MOCOS: variants seen among roughly 807,000 people sequenced by gnomAD.
MOCOS encodes molybdenum cofactor sulfurase.
A neutral mutation model predicts 83.6 loss-of-function variants in MOCOS; 86 were observed. That is an observed-to-expected ratio of 1.03 (90% CI 0.86 to 1.23). The LOEUF (loss-of-function observed/expected upper bound fraction) is 1.23, where lower values mean the gene tolerates loss of function less well. Ranked by LOEUF, MOCOS falls within the 50% of genes most tolerant of loss-of-function variation. The pLI is 0.00. For missense variants in MOCOS, 1,120 were observed against 1,126.9 expected, an observed-to-expected ratio of 0.99 and a Z score of 0.09; for synonymous variants, 445 against 434.7, an observed-to-expected ratio of 1.02 and a Z score of -0.29.
chr18:36,266,222 G>A (rs141592318), intron 13 of MOCOS, among the ~76,000 whole-genome samples: 6 of 152,152 alleles, frequency 3.9e-5, no homozygotes, highest in Non-Finnish European at 5.9e-5. Context: ...TGCCACCTCC[G>A]CCTCCCGGGT....
intron 6 of MOCOS, among the ~76,000 whole-genome samples, chr18:36,210,997 C>A (rs191584889): frequency 4.4e-4 from 67 of 151,948 alleles, no homozygotes; most frequent in Admixed American, 2.6e-3. Context: ...TCTCATTCCC[C>A]AGGGCTAGAC....
intron 9 of MOCOS, among the ~76,000 whole-genome samples, chr18:36,224,001 T>A (rs1338064961): frequency 6.6e-6 from 1 of 152,192 alleles, no homozygotes. Flanking sequence ...CTGGTCTAGA[T>A]GAGTTCATTT....
chr18:36,218,055 C>T (rs1040847892), intron 8 of MOCOS, among the ~76,000 whole-genome samples: 7 of 152,066 alleles, frequency 4.6e-5, no homozygotes, highest in South Asian at 2.1e-4. Flanking sequence ...CAGGATGGGG[C>T]GACAAGGCTT....
At chr18:36,242,600 T>G (rs1835402919) in intron 9 of MOCOS, among the ~76,000 whole-genome samples, 1 of 152,226 alleles carries the variant, frequency 6.6e-6, no homozygotes, top group African/African-American at 2.4e-5. Flanking sequence ...TATCTGAGAC[T>G]GGGTAATTTA....
rs150011635 is a variant in MOCOS, at chr18:36,215,635, C to T, written c.1455C>T (p.Ile485=). ...LDDVQAFLRF[I]IDTRLHSSGD... ...ATGTCCAGGCCTTTCTTAGGTTCATCATAGACACTCGCCTGCACTCATCAG... is the reference window on the plus strand; with the variant it reads ...ATGTCCAGGCCTTTCTTAGGTTCATTATAGACACTCGCCTGCACTCATCAG... The change falls in exon 8 of 15, where the codon ATC becomes ATT. Residue 485 remains isoleucine, a synonymous_variant. Coordinates refer to ENST00000261326, the MANE Select transcript of MOCOS (RefSeq NM_017947.4). 4.5e-5 allele frequency: 72 copies of T among 1,614,174 alleles called. No individual in the cohort carries two copies. Among genetic ancestry groups the T allele is most frequent in the Non-Finnish European group, 5.7e-5 (67 of 1,180,030 alleles).
At chr18:36,259,994 T>A in intron 12 of MOCOS, 43 bp from the exon 13 acceptor site, 1 of 1,612,494 alleles carries the variant, frequency 6.2e-7, no homozygotes, top group Non-Finnish European at 8.5e-7. Context: ...TACAATTATC[T>A]GCCATCCTCC....
At chr18:36,211,591 G>A (rs2091455638) in intron 6 of MOCOS, among the ~76,000 whole-genome samples, 1 of 152,042 alleles carries the variant, frequency 6.6e-6, no homozygotes, top group South Asian at 2.1e-4. Context: ...CTCCCTGAAT[G>A]CTGTGCTCAT....
At chr18:36,211,261 C>T (rs761978502) in intron 6 of MOCOS, among the ~76,000 whole-genome samples, 9 of 152,076 alleles carry the variant, frequency 5.9e-5, no homozygotes, top group Non-Finnish European at 1.0e-4. Flanking sequence ...GCTTTGTGTT[C>T]TTGTTTTGGT....
At chr18:36,261,056 C>A (rs2091662075) in intron 13 of MOCOS, among the ~76,000 whole-genome samples, 2 of 152,010 alleles carry the variant, frequency 1.3e-5, no homozygotes, top group Admixed American at 1.3e-4. Context: ...ACCTCTATGG[C>A]CTTGAATGAC....
At chr18:36,266,689 T>C (rs1356420610) in intron 13 of MOCOS, 60 bp from the exon 14 acceptor site, 3 of 1,428,436 alleles carry the variant, frequency 2.1e-6, no homozygotes, top group African/African-American at 1.4e-5. Flanking sequence ...TTCCTCCCTC[T>C]GAGGTGCAAG....
intron 12 of MOCOS, among the ~76,000 whole-genome samples, chr18:36,258,996 A>C (rs1197214193): frequency 1.3e-5 from 2 of 151,750 alleles, no homozygotes; most frequent in Non-Finnish European, 2.9e-5. Flanking sequence ...CCCATTCTTC[A>C]ACTTAATATG....
chr18:36,224,664 T>C (rs1346385121), intron 9 of MOCOS, among the ~76,000 whole-genome samples: 1 of 152,148 alleles, frequency 6.6e-6, no homozygotes, highest in African/African-American at 2.4e-5. Context: ...ATCCTTTTAA[T>C]GTACTGTTAG....
At chr18:36,235,881 G>A (rs2091556542) in intron 9 of MOCOS, among the ~76,000 whole-genome samples, 1 of 151,698 alleles carries the variant, frequency 6.6e-6, no homozygotes, top group African/African-American at 2.4e-5. Flanking sequence ...CTGATGGCCA[G>A]TGATGGTGAG....
At chr18:36,229,474 C>T (rs1363500257) in intron 9 of MOCOS, among the ~76,000 whole-genome samples, 2 of 152,064 alleles carry the variant, frequency 1.3e-5, no homozygotes, top group African/African-American at 2.4e-5. Context: ...TGTGTCTTGG[C>T]GTGGATTTTT....
chr18:36,260,090 T>A lies in MOCOS; in HGVS notation c.2324T>A (p.Phe775Tyr), dbSNP rs1367523126. 1 of 1,614,210 alleles carries A rather than the reference T, an allele frequency of 6.2e-7. No homozygotes were observed. The highest frequency in any genetic ancestry group is 1.1e-5 in the South Asian group (1 of 91,088). The change falls in exon 13 of 15, where the codon TTT becomes TAT. Residue 775 changes from phenylalanine (F) to tyrosine (Y), a missense_variant. Physicochemically the swap from Phe to Tyr is conservative, Grantham distance 22. Transcript: ENST00000261326. ...TCACTGAAGGATCTCAGCTTGCGTT[T>A]TCGTGCCAATATTATTATCAATGGA... is the stretch of plus-strand genomic sequence containing the variant. Reference protein sequence around the residue: ...LFSLKDLSLRFRANIIINGKR... With the variant: ...LFSLKDLSLRYRANIIINGKR...
chr18:36,255,884 GTTTTTTTTTT>G (rs74181121), intron 11 of MOCOS, among the ~76,000 whole-genome samples: 2 of 134,044 alleles, frequency 1.5e-5, no homozygotes, highest in Non-Finnish European at 3.2e-5. Context: ...CCTTTTAGTA[GTTTTTTTTTT>G]TTTTTTTTTT....
In MOCOS at chr18:36,268,577, C is replaced by T. The variant is rs763591456; in HGVS notation, c.2559C>T (p.Ser853=). The T allele has an allele frequency of 6.2e-7, 1 of 1,614,102 alleles. No homozygotes were observed. Residue 853 remains serine, a synonymous_variant, in exon 15 of 15, where the codon TCC becomes TCT. Coordinates refer to ENST00000261326, the MANE Select transcript of MOCOS (RefSeq NM_017947.4). The part of the protein sequence containing the change: ...MYLMHASLDL[S]SPCFLSVGSQ... Reference sequence around the variant, plus strand: ...TGATGCATGCATCATTGGATTTATCCTCCCCATGTTTCCTGTCTGTAGGAT... The same window carrying T: ...TGATGCATGCATCATTGGATTTATCTTCCCCATGTTTCCTGTCTGTAGGAT...
intron 9 of MOCOS, among the ~76,000 whole-genome samples, chr18:36,236,953 G>T (rs2091561826): frequency 6.6e-6 from 1 of 152,140 alleles, no homozygotes; most frequent in Admixed American, 6.5e-5. Context: ...TGGTGTGTAG[G>T]AATGCTTGTG....
rs752843019 is a variant in MOCOS at position 36,257,076 on chromosome 18, A to G, written c.2270+3A>G. 6 of 1,610,162 alleles carry G rather than the reference A, an allele frequency of 3.7e-6. No homozygotes were observed. In the Admixed American group the frequency reaches 8.3e-5, roughly 22 times the overall value. Reference sequence around the variant, plus strand: ...CTTCACCGGCAACTAAACACCAGGTAAGACCTCATACCTCGGGACTAGCAG... The same window carrying G: ...CTTCACCGGCAACTAAACACCAGGTGAGACCTCATACCTCGGGACTAGCAG... On this transcript the variant is annotated splice_donor_region_variant and intron_variant, in intron 12 of 14. Coordinates refer to ENST00000261326, the MANE Select transcript of MOCOS (RefSeq NM_017947.4).
Sources: allele counts gnomAD v4.1 joint callset (sites outside exome capture counted in the v4.1 genomes callset), GRCh38; gene constraint gnomAD v4.1.1; transcripts MANE v1.5; gene names NCBI Gene and HGNC (gene_info 2026-07-23, HGNC 2026-07-21).